Variants in DYNC2I1 observed in about 807,000 individuals in gnomAD.
The protein encoded by DYNC2I1 is cytoplasmic dynein 2 intermediate chain 1.
A neutral mutation model predicts 133.4 loss-of-function variants in DYNC2I1; 89 were observed. The observed-to-expected ratio is 0.67, with a 90% CI of 0.56 to 0.80. The LOEUF (loss-of-function observed/expected upper bound fraction) is 0.80, where lower values mean the gene tolerates loss of function less well. Among genes scored for constraint, DYNC2I1 ranks in the 30% least tolerant of loss-of-function variants. DYNC2I1 has a pLI of 0.00. For missense variants in DYNC2I1, 1,291 were observed against 1,314.5 expected (o/e 0.98, Z 0.28); for synonymous variants, 504 against 484.3 (o/e 1.04, Z -0.54).
chr7:158,860,359 G>T (rs1192722222), intron 1 of DYNC2I1, among the ~76,000 whole-genome samples: 1 of 152,064 alleles, frequency 6.6e-6, no homozygotes, highest in African/African-American at 2.4e-5. Context: ...TCACCCCGCT[G>T]GTATTATAGC....
chr7:158,897,583 G>T (rs927066808), intron 8 of DYNC2I1, among the ~76,000 whole-genome samples: 1 of 152,088 alleles, frequency 6.6e-6, no homozygotes, highest in Non-Finnish European at 1.5e-5. Context: ...GATCTGCAGT[G>T]ATGTCCTCTT....
intron 24 of DYNC2I1, among the ~76,000 whole-genome samples, chr7:158,944,495 C>T (rs1044718976): frequency 2.6e-5 from 4 of 152,196 alleles, no homozygotes; most frequent in Non-Finnish European, 5.9e-5. Flanking sequence ...ATTGCCCATG[C>T]TTTACACACG....
intron 1 of DYNC2I1, among the ~76,000 whole-genome samples, chr7:158,858,405 T>C (rs1841517500): frequency 6.6e-6 from 1 of 152,164 alleles, no homozygotes; most frequent in Non-Finnish European, 1.5e-5. Context: ...GGGAACAATG[T>C]TTCTGGTGTC....
intron 23 of DYNC2I1, among the ~76,000 whole-genome samples, chr7:158,941,048 T>A (rs1014593915): frequency 3.3e-5 from 5 of 152,028 alleles, no homozygotes; most frequent in Admixed American, 6.5e-5. Context: ...AAGGTTAGGT[T>A]TTGAAAGATA....
intron 4 of DYNC2I1, among the ~76,000 whole-genome samples, chr7:158,954,529 T>C (rs1241094061): frequency 6.6e-6 from 1 of 152,146 alleles, no homozygotes; most frequent in Non-Finnish European, 1.5e-5. Flanking sequence ...GTGCCTGTGG[T>C]CCCAGCTACT....
At chr7:158,882,421 C>CAA (rs536138981) in intron 5 of DYNC2I1, among the ~76,000 whole-genome samples, 1 of 147,068 alleles carries the variant, frequency 6.8e-6, no homozygotes, top group Non-Finnish European at 1.5e-5. Context: ...CCATCTCTAC[C>CAA]AAAAAAAAAA....
At chr7:158,882,463 G>C (rs925444821) in intron 5 of DYNC2I1, among the ~76,000 whole-genome samples, 3 of 151,462 alleles carry the variant, frequency 2.0e-5, no homozygotes, top group Non-Finnish European at 2.9e-5. Flanking sequence ...CACAGCTGTA[G>C]TCCCAGCTAC....
In DYNC2I1 at chr7:158,923,613, T is replaced by C; in HGVS notation, c.2137T>C (p.Phe713Leu). The change falls in exon 17 of 25, where the codon TTT becomes CTT. Residue 713 changes from phenylalanine (F) to leucine (L), a missense_variant. Physicochemically the swap from Phe to Leu is conservative, Grantham distance 22 (BLOSUM62 0). Coordinates refer to ENST00000407559, the MANE Select transcript of DYNC2I1 (RefSeq NM_018051.5). ...GAGCCCTTTGAAAGCATTTTTACTG[T>C]TTGCCGGAACAGCGCACGGCTCAGT... Reference protein sequence around the residue: ...CLSPLKAFLLFAGTAHGSVVV... With the variant: ...CLSPLKAFLLLAGTAHGSVVV... The C allele has an allele frequency of 6.2e-7, 1 of 1,614,030 alleles. No homozygotes were observed. Among genetic ancestry groups the C allele is most frequent in the East Asian group, 2.2e-5 (1 of 44,886 alleles).
At chr7:158,942,342 A>G (rs1022367971) in intron 24 of DYNC2I1, among the ~76,000 whole-genome samples, 194 bp downstream of exon 24, 8 of 152,244 alleles carry the variant, frequency 5.3e-5, no homozygotes, top group Non-Finnish European at 7.3e-5. Flanking sequence ...GTTCACAGAA[A>G]TTTGAGTGGA....
the DYNC2I1 span, among the ~76,000 whole-genome samples, chr7:158,851,353 C>T: frequency 8.6e-5 from 13 of 151,860 alleles, no homozygotes; most frequent in Admixed American, 3.9e-4. Flanking sequence ...GGCAACATGA[C>T]GAAACCCCAT....
Position 158,918,729 on chromosome 7 carries a change from A to G in DYNC2I1, c.1792-11A>G. 1.2e-6 allele frequency: 2 copies of G among 1,613,358 alleles called. No individual in the cohort carries two copies. Among genetic ancestry groups the G allele is most frequent in the East Asian group, 2.2e-5 (1 of 44,864 alleles). The stretch of plus-strand genomic sequence containing the variant: ...AGTTTTTATTAAAGACTACTCACTT[A>G]TGTCTGACAGGTGATGGCCGTTTTG... On this transcript the variant is annotated splice_polypyrimidine_tract_variant and intron_variant, in intron 14 of 24. Coordinates refer to ENST00000407559, the MANE Select transcript of DYNC2I1 (RefSeq NM_018051.5).
chr7:158,857,788 G>A (rs1302742702), intron 1 of DYNC2I1, among the ~76,000 whole-genome samples: 1 of 116,958 alleles, frequency 8.6e-6, no homozygotes, highest in East Asian at 3.4e-4. Flanking sequence ...CACTGCACCC[G>A]GCCTTTTTTT....
intron 8 of DYNC2I1, among the ~76,000 whole-genome samples, chr7:158,893,895 C>T (rs1585062758): frequency 1.3e-5 from 2 of 151,772 alleles, no homozygotes; most frequent in South Asian, 4.2e-4. Context: ...ACATGTCACA[C>T]TACATATCAT....
At chr7:158,848,616 C>G in the DYNC2I1 span, among the ~76,000 whole-genome samples, 2 of 152,172 alleles carry the variant, frequency 1.3e-5, no homozygotes, top group Non-Finnish European at 2.9e-5. Flanking sequence ...AAGGTCTTTA[C>G]AACACCATCA....
intron 11 of DYNC2I1, among the ~76,000 whole-genome samples, chr7:158,911,276 C>T (rs971820070): frequency 2.6e-5 from 4 of 152,148 alleles, no homozygotes; most frequent in Non-Finnish European, 4.4e-5. Context: ...CTCAGGCATA[C>T]GCATTAGAAC....
rs1210055148 is a variant in DYNC2I1 at position 158,856,638 on chromosome 7, C to T, written c.-98C>T. On this transcript the variant is annotated 5_prime_UTR_variant, in exon 1 of 25. Transcript: ENST00000407559. ...TTGTCGGTTGCTAGGCGCTGGGACGCGCCTCCCGAAGGGTGCGGGGCACAG... is the reference window on the plus strand; with the variant it reads ...TTGTCGGTTGCTAGGCGCTGGGACGTGCCTCCCGAAGGGTGCGGGGCACAG... 5.1e-6 allele frequency: 6 copies of T among 1,183,480 alleles called. No homozygotes were observed. The highest frequency in any genetic ancestry group is 5.3e-6 in the Non-Finnish European group (5 of 944,022). 73.3% of individuals were successfully genotyped at this position (1,183,480 alleles called of 1,614,324 possible). A position where few individuals can be genotyped will look rare whatever the true frequency, so the allele number is the denominator to read the frequency against.
chr7:158,845,310 TTAAA>T, the DYNC2I1 span, among the ~76,000 whole-genome samples: 1 of 152,286 alleles, frequency 6.6e-6, no homozygotes, highest in Non-Finnish European at 1.5e-5. Context: ...TACTCATAAA[TTAAA>T]TAGCCCAAAT....
At chr7:158,926,935 A>T in intron 19 of DYNC2I1, 57 bp from the exon 20 acceptor site, 1 of 1,297,724 alleles carries the variant, frequency 7.7e-7, no homozygotes, top group Non-Finnish European at 1.1e-6. Flanking sequence ...TGCTTTGCTT[A>T]GGTTGTTTCA....
rs922864274 is a variant in DYNC2I1 at position 158,856,762 on chromosome 7, G to C, written c.15+12G>C. ...TGGAGCCCGGGAAGGTCGGTGCGGCGCTGGGTCTGGGCGAGGGGTGGTCGA... is the reference window on the plus strand; with the variant it reads ...TGGAGCCCGGGAAGGTCGGTGCGGCCCTGGGTCTGGGCGAGGGGTGGTCGA... On this transcript the variant is annotated intron_variant, in intron 1 of 24. Coordinates refer to ENST00000407559, the MANE Select transcript of DYNC2I1 (RefSeq NM_018051.5). 45 of 1,234,406 alleles carry C rather than the reference G, an allele frequency of 3.6e-5. 1 individual carries two copies. The highest frequency in any genetic ancestry group is 4.5e-5 in the Non-Finnish European group (44 of 986,826). The allele number at this position is 1,234,406 out of a possible 1,614,324, so 76.5% of individuals were successfully genotyped here. A position where few individuals can be genotyped will look rare whatever the true frequency, so the allele number is the denominator to read the frequency against.
Sources: allele counts gnomAD v4.1 joint callset (sites outside exome capture counted in the v4.1 genomes callset), GRCh38; gene constraint gnomAD v4.1.1; transcripts MANE v1.5; gene names NCBI Gene and HGNC (gene_info 2026-07-23, HGNC 2026-07-21).